Variants in REDIC1 observed in about 807,000 individuals in gnomAD.
REDIC1 encodes the protein regulator of DNA class I crossover intermediates 1, also known as HEI10 Interacting Protein 1.
the REDIC1 span, among the ~76,000 whole-genome samples, chr12:39,896,651 A>G: frequency 6.6e-6 from 1 of 151,756 alleles, no homozygotes; most frequent in Non-Finnish European, 1.5e-5. Context: ...GAAGAAAACA[A>G]CACTGCTCAA....
At chr12:39,632,529 TA>T in the REDIC1 span, among the ~76,000 whole-genome samples, 3 of 152,174 alleles carry the variant, frequency 2.0e-5, no homozygotes, top group Admixed American at 6.5e-5. Context: ...TATATGTATA[TA>T]TGTATGTATG....
At chr12:39,849,336 T>C in the REDIC1 span, among the ~76,000 whole-genome samples, 1 of 152,142 alleles carries the variant, frequency 6.6e-6, no homozygotes. Context: ...TCCAAGTTAC[T>C]TGGACAGCAT....
chr12:39,834,297 A>C, the REDIC1 span, among the ~76,000 whole-genome samples: 1 of 152,094 alleles, frequency 6.6e-6, no homozygotes, highest in Non-Finnish European at 1.5e-5. Context: ...GGGACTAGGC[A>C]TGAATTTTCT....
chr12:39,898,907 A>G, the REDIC1 span, among the ~76,000 whole-genome samples: 1 of 152,198 alleles, frequency 6.6e-6, no homozygotes, highest in African/African-American at 2.4e-5. Context: ...GAAAAAGGAA[A>G]GGAGAGAAGG....
At chr12:39,905,766 C>T in the REDIC1 span, among the ~76,000 whole-genome samples, 1 of 150,636 alleles carries the variant, frequency 6.6e-6, no homozygotes, top group African/African-American at 2.4e-5. Flanking sequence ...AGAAAAAAGT[C>T]TGCCACAAAT....
At chr12:39,650,457 A>G in the REDIC1 span, 2 of 1,453,392 alleles carry the variant, frequency 1.4e-6, no homozygotes, top group Non-Finnish European at 1.8e-6. This position sits in a 1 kb window ranked among gnomAD's most constrained non-coding sequence, Gnocchi z 4.3. Flanking sequence ...AAAAATATAA[A>G]CAGTCCTAAG....
the REDIC1 span, among the ~76,000 whole-genome samples, chr12:39,719,394 A>C: frequency 6.6e-6 from 1 of 152,112 alleles, no homozygotes; most frequent in African/African-American, 2.4e-5. Context: ...TGGGAGACTG[A>C]GGTGGGCAAT....
chr12:39,860,768 C>A, the REDIC1 span, among the ~76,000 whole-genome samples: 8 of 152,134 alleles, frequency 5.3e-5, no homozygotes, highest in African/African-American at 1.4e-4. Flanking sequence ...AATCTGTCTA[C>A]CTGCTTATCT....
the REDIC1 span, among the ~76,000 whole-genome samples, chr12:39,775,526 A>G: frequency 1.3e-5 from 2 of 152,234 alleles, no homozygotes. Flanking sequence ...GAGTGGTCTA[A>G]GAAAATGTTT....
At chr12:39,804,383 A>T in the REDIC1 span, among the ~76,000 whole-genome samples, 1 of 152,200 alleles carries the variant, frequency 6.6e-6, no homozygotes, top group Non-Finnish European at 1.5e-5. Context: ...AGCAACACTG[A>T]TTAATTTCAA....
At chr12:39,852,554 G>A in the REDIC1 span, among the ~76,000 whole-genome samples, 56 of 152,136 alleles carry the variant, frequency 3.7e-4, no homozygotes, top group Non-Finnish European at 4.9e-4. Context: ...TTTTTTCTTG[G>A]AAGGTAACAA....
chr12:39,712,468 G>GCA, the REDIC1 span, among the ~76,000 whole-genome samples: 20 of 119,874 alleles, frequency 1.7e-4, no homozygotes, highest in African/African-American at 5.9e-4. Context: ...ATATACGTAT[G>GCA]TATATATACA....
the REDIC1 span, among the ~76,000 whole-genome samples, chr12:39,838,278 G>A: frequency 4.0e-4 from 59 of 148,534 alleles, no homozygotes; most frequent in South Asian, 2.6e-3. Context: ...ACTCGTAGGT[G>A]GGAACTGAAC....
the REDIC1 span, among the ~76,000 whole-genome samples, chr12:39,778,171 T>A: frequency 6.6e-6 from 1 of 152,136 alleles, no homozygotes; most frequent in Admixed American, 6.5e-5. Context: ...AGAGACCCTT[T>A]CCCATTTCAG....
chr12:39,688,949 C>T, the REDIC1 span, among the ~76,000 whole-genome samples: 2 of 152,168 alleles, frequency 1.3e-5, no homozygotes, highest in South Asian at 2.1e-4. Flanking sequence ...GTTAACTGTC[C>T]ATCAAAATCC....
chr12:39,655,559 A>G, the REDIC1 span, among the ~76,000 whole-genome samples: 1 of 152,070 alleles, frequency 6.6e-6, no homozygotes, highest in East Asian at 1.9e-4. Flanking sequence ...CATTATGACT[A>G]TTTGTTTTCC....
the REDIC1 span, chr12:39,764,927 C>T: frequency 6.5e-7 from 1 of 1,528,360 alleles, no homozygotes; most frequent in Middle Eastern, 2.3e-4. Context: ...TCAATATGAT[C>T]ATATTTATGT....
At chr12:39,904,709 C>T in the REDIC1 span, among the ~76,000 whole-genome samples, 1 of 152,120 alleles carries the variant, frequency 6.6e-6, no homozygotes, top group Non-Finnish European at 1.5e-5. Flanking sequence ...TGCTTTGCTG[C>T]AACCAAGTAA....
At chr12:39,716,695 A>C in the REDIC1 span, 3 of 1,204,856 alleles carry the variant, frequency 2.5e-6, no homozygotes, top group Admixed American at 6.7e-5. Context: ...TCTGCCTGGC[A>C]TATGTATGTT....
Sources: gnomAD v4.1 joint callset for allele counts (sites outside exome capture counted in the v4.1 genomes callset) on GRCh38, gnomAD v4.1.1 for gene constraint, Gnocchi (gnomAD v3.1) non-coding constraint, MANE v1.5 for transcripts, NCBI Gene and HGNC (gene_info 2026-07-23, HGNC 2026-07-21) for gene names.